Variants in SYCP1 observed in about 807,000 individuals in gnomAD.
SYCP1 encodes synaptonemal complex protein 1, also known as cancer/testis antigen 8.
A neutral mutation model predicts 153.1 loss-of-function variants in SYCP1; 64 were observed. The observed-to-expected ratio is 0.42, with a 90% CI of 0.34 to 0.51. The LOEUF is 0.51. SYCP1 is among the 20% of genes least tolerant of loss of function. SYCP1 has a pLI of 0.06. For missense variants in SYCP1, 997 were observed against 1,049.0 expected, an observed-to-expected ratio of 0.95 and a Z score of 0.68; for synonymous variants, 384 against 341.8, an observed-to-expected ratio of 1.12 and a Z score of -1.36.
intron 17 of SYCP1, 79 bp from the exon 18 acceptor site, chr1:114,911,400 T>A (rs540054604): frequency 8.7e-7 from 1 of 1,144,274 alleles, no homozygotes; most frequent in East Asian, 3.1e-5. Context: ...AATATATGAC[T>A]TAATTACACA....
chr1:114,985,303 G>T (rs1247143480), intron 30 of SYCP1, among the ~76,000 whole-genome samples: 1 of 151,778 alleles, frequency 6.6e-6, no homozygotes, highest in Non-Finnish European at 1.5e-5. Context: ...TCAAGGTATT[G>T]GTTGACAACT....
At chr1:114,945,175 G>A (rs528338334) in intron 25 of SYCP1, among the ~76,000 whole-genome samples, 193 bp downstream of exon 25, 1 of 152,110 alleles carries the variant, frequency 6.6e-6, no homozygotes, top group Non-Finnish European at 1.5e-5. Flanking sequence ...AGTTGAGCCT[G>A]TGTGTCACAT....
Position 114,991,839 on chromosome 1 carries a change from G to A in SYCP1, c.2704-2859G>A, listed in dbSNP as rs191963616. Among the ~76,000 whole-genome samples the A allele has an allele frequency of 1.5e-3, 228 of 151,882 alleles. 1 individual carries two copies. The highest frequency in any genetic ancestry group is 6.8e-3 in the Middle Eastern group (2 of 294). On this transcript the variant is annotated intron_variant, in intron 30 of 31. Coordinates refer to ENST00000369522, the MANE Select transcript of SYCP1 (RefSeq NM_003176.4). ...AAAGAAAAATAATAGAAGGCATTCA[G>A]ATGGAAAGGAAGAGGTAAAACTGCC... is the stretch of plus-strand genomic sequence containing the variant.
At chr1:114,962,488 C>CT (rs1015566570) in intron 27 of SYCP1, among the ~76,000 whole-genome samples, 7 of 152,068 alleles carry the variant, frequency 4.6e-5, no homozygotes. Context: ...TTCTTGCCTG[C>CT]TTTTGGTGTC....
At position 114,984,886 on chromosome 1, in the gene SYCP1, A is replaced by AAT; in HGVS notation, c.2703+21_2703+22dup. 8.3e-7 allele frequency: 1 copy of AAT among 1,210,514 alleles called. No homozygotes were observed. Among genetic ancestry groups the AAT allele is most frequent in the South Asian group, 2.2e-5 (1 of 45,426 alleles). The allele number at this position is 1,210,514 out of a possible 1,614,324, so 75.0% of individuals were successfully genotyped here. ...ATCTTTTGGTAAAAATTTTACAAAT[A>AAT]ATATTTAGTATTTATTTATATTACT... On this transcript the variant is annotated intron_variant, in intron 30 of 31. Coordinates refer to ENST00000369522, the MANE Select transcript of SYCP1 (RefSeq NM_003176.4).
intron 18 of SYCP1, among the ~76,000 whole-genome samples, 187 bp downstream of exon 18, chr1:114,911,769 A>G (rs931106602): frequency 6.6e-6 from 1 of 152,050 alleles, no homozygotes; most frequent in African/African-American, 2.4e-5. Context: ...TGACATAAAG[A>G]AAGAGTACAT....
At chr1:114,935,740 G>A (rs1669954897) in intron 23 of SYCP1, among the ~76,000 whole-genome samples, 1 of 152,158 alleles carries the variant, frequency 6.6e-6, no homozygotes, top group South Asian at 2.1e-4. Context: ...TGATCCCACA[G>A]AAATACAAAC....
intron 30 of SYCP1, among the ~76,000 whole-genome samples, chr1:114,987,697 A>G (rs565371338): frequency 6.6e-6 from 1 of 152,086 alleles, no homozygotes; most frequent in East Asian, 1.9e-4. Flanking sequence ...GACCAATAGT[A>G]ACAAATCATA....
intron 16 of SYCP1, among the ~76,000 whole-genome samples, chr1:114,901,503 G>A (rs1667445235): frequency 6.6e-6 from 1 of 152,140 alleles, no homozygotes; most frequent in Non-Finnish European, 1.5e-5. Flanking sequence ...GAGTCAATAA[G>A]CAGCAAAAGG....
At chr1:114,875,342 G>T (rs1259069770) in intron 9 of SYCP1, among the ~76,000 whole-genome samples, 2 of 147,800 alleles carry the variant, frequency 1.4e-5, no homozygotes, top group Non-Finnish European at 3.0e-5. Context: ...CTCACTGCAA[G>T]CTCCGCCTCT....
intron 10 of SYCP1, among the ~76,000 whole-genome samples, chr1:114,876,442 TG>T (rs1304857553): frequency 6.6e-6 from 1 of 151,884 alleles, no homozygotes; most frequent in African/African-American, 2.4e-5. Context: ...TAATTGTATA[TG>T]TATCATATTA....
intron 27 of SYCP1, among the ~76,000 whole-genome samples, chr1:114,962,385 AAAC>A (rs1227442479): frequency 4.6e-5 from 7 of 152,126 alleles, no homozygotes; most frequent in Non-Finnish European, 8.8e-5. Context: ...TTTTCCTGTT[AAAC>A]AAGTCCTTTT....
chr1:114,882,007 A>T (rs1275527591), intron 12 of SYCP1, among the ~76,000 whole-genome samples: 1 of 152,128 alleles, frequency 6.6e-6, no homozygotes. Context: ...CAGATATTGT[A>T]TTTGCTCTAC....
intron 20 of SYCP1, 112 bp downstream of exon 20, chr1:114,914,157 T>A (rs983343094): frequency 2.6e-6 from 2 of 758,930 alleles, no homozygotes; most frequent in Non-Finnish European, 4.0e-6. Flanking sequence ...TTTTATAAAG[T>A]AAAAATTAGA....
intron 27 of SYCP1, among the ~76,000 whole-genome samples, chr1:114,949,730 T>G (rs1369727733): frequency 6.6e-6 from 1 of 152,234 alleles, no homozygotes; most frequent in Non-Finnish European, 1.5e-5. Flanking sequence ...TCTGTTCTTT[T>G]CTTAAGTATT....
At chr1:114,929,847 C>T (rs1669512718) in intron 23 of SYCP1, among the ~76,000 whole-genome samples, 1 of 151,970 alleles carries the variant, frequency 6.6e-6, no homozygotes, top group Admixed American at 6.6e-5. Context: ...CTATTAACTA[C>T]CTTGATTTAA....
At chr1:114,979,185 T>C (rs965232879) in intron 28 of SYCP1, among the ~76,000 whole-genome samples, 1 of 151,526 alleles carries the variant, frequency 6.6e-6, no homozygotes, top group Non-Finnish European at 1.5e-5. Context: ...AACATAAGGC[T>C]TGTTAAATTT....
Position 114,962,288 on chromosome 1 carries a change from T to C in SYCP1, c.2322+14968T>C, listed in dbSNP as rs187530957. On this transcript the variant is annotated intron_variant, in intron 27 of 31. Coordinates refer to ENST00000369522, the MANE Select transcript of SYCP1 (RefSeq NM_003176.4). Reference sequence around the variant, plus strand: ...GGTGTGAGCCACTGCACCCAACATGTCTATCTCATTTTTAAGGTCTGGTAG... The same window carrying C: ...GGTGTGAGCCACTGCACCCAACATGCCTATCTCATTTTTAAGGTCTGGTAG... Among the ~76,000 whole-genome samples the C allele has an allele frequency of 1.0e-3, 156 of 152,196 alleles. 2 individuals carry two copies. The highest frequency in any genetic ancestry group is 3.6e-3 in the African/African-American group (151 of 41,526).
intron 21 of SYCP1, among the ~76,000 whole-genome samples, chr1:114,925,323 T>G (rs2101735590): frequency 6.6e-6 from 1 of 152,276 alleles, no homozygotes; most frequent in Middle Eastern, 3.4e-3. Context: ...TAATTTTTAA[T>G]GTAAAATAAA....
Sources: gnomAD v4.1 joint callset for allele counts (sites outside exome capture counted in the v4.1 genomes callset) on GRCh38, gnomAD v4.1.1 for gene constraint, MANE v1.5 for transcripts, NCBI Gene and HGNC (gene_info 2026-07-23, HGNC 2026-07-21) for gene names.